The following IFT88 variants were observed in gnomAD, a reference collection of about 807,000 sequenced individuals.
IFT88 encodes intraflagellar transport protein 88 homolog.
A neutral mutation model predicts 119.5 loss-of-function variants in IFT88; 74 were observed. The ratio of observed to expected loss-of-function variants is 0.62; its 90% CI spans 0.51 to 0.75. IFT88 has a LOEUF of 0.75. Among genes scored for constraint, IFT88 ranks in the 30% least tolerant of loss-of-function variants. The pLI, the probability that IFT88 is intolerant of heterozygous loss-of-function variation, is 0.00. For missense variants in IFT88, 961 were observed against 977.7 expected, an observed-to-expected ratio of 0.98 and a Z score of 0.23; for synonymous variants, 279 against 316.7, an observed-to-expected ratio of 0.88 and a Z score of 1.26.
intron 22 of IFT88, among the ~76,000 whole-genome samples, chr13:20,657,069 G>A (rs2052941453): frequency 6.6e-6 from 1 of 152,144 alleles, no homozygotes; most frequent in South Asian, 2.1e-4. Flanking sequence ...TGTTGGCCAG[G>A]CTGTTCTCAA....
At chr13:20,631,991 A>T (rs1413094241) in intron 16 of IFT88, 1 of 138,032 alleles carries the variant, frequency 7.2e-6, no homozygotes, top group Non-Finnish European at 1.5e-5. Flanking sequence ...AAAAGTTCAA[A>T]AAATTAGCTG....
chr13:20,664,568 A>G (rs2054338409), intron 23 of IFT88, among the ~76,000 whole-genome samples: 1 of 152,190 alleles, frequency 6.6e-6, no homozygotes, highest in South Asian at 2.1e-4. Flanking sequence ...TGTTTTTTAA[A>G]AGATGTTTTG....
At chr13:20,661,608 A>C (rs1039841184) in intron 22 of IFT88, among the ~76,000 whole-genome samples, 15 of 151,958 alleles carry the variant, frequency 9.9e-5, no homozygotes, top group African/African-American at 3.6e-4. Context: ...AGTGGTGGGC[A>C]CCTGTGATCC....
intron 2 of IFT88, among the ~76,000 whole-genome samples, chr13:20,575,209 G>A (rs1033939570): frequency 5.3e-5 from 8 of 151,950 alleles, no homozygotes; most frequent in Non-Finnish European, 1.5e-5. Context: ...GAAAACATGC[G>A]ATGTTTGTCT....
At chr13:20,646,038 C>G (rs990600326) in intron 20 of IFT88, among the ~76,000 whole-genome samples, 3 of 152,194 alleles carry the variant, frequency 2.0e-5, no homozygotes, top group Admixed American at 6.5e-5. Flanking sequence ...GCCATTAGCT[C>G]ATGCAACACT....
In IFT88 at chr13:20,644,760, T is replaced by G. The variant is rs994802060; in HGVS notation, c.1834-83T>G. On this transcript the variant is annotated intron_variant, in intron 19 of 25. Coordinates refer to ENST00000351808, the MANE Select transcript of IFT88 (RefSeq NM_006531.5). ...TTAAGAAATTCCATATTGGATAAAT[T>G]TATTCAATAGGTAAAGTATTCAAGA... 4 of 643,448 alleles carry G rather than the reference T, an allele frequency of 6.2e-6. No individual in the cohort carries two copies. In the East Asian group the frequency reaches 1.0e-4, roughly 17 times the overall value. 39.9% of individuals were successfully genotyped at this position (643,448 alleles called of 1,614,324 possible).
intron 16 of IFT88, among the ~76,000 whole-genome samples, chr13:20,636,807 T>G (rs1052470466): frequency 6.6e-6 from 1 of 152,232 alleles, no homozygotes; most frequent in Non-Finnish European, 1.5e-5. Flanking sequence ...GTACCAATTT[T>G]TGTTTCAGAG....
rs1330543877 is a variant in IFT88 at position 20,601,793 on chromosome 13, A to G, written c.901A>G (p.Met301Val). The change falls in exon 12 of 26, where the codon ATG (methionine) becomes GTG (valine). Residue 301 changes from methionine to valine, a missense_variant. Met to Val is a conservative substitution (Grantham distance 21, BLOSUM62 1). Transcript: ENST00000351808. Reference sequence around the variant, plus strand: ...TAATTCATATGAGCACATAATGAGCATGGCACCAAATCTGAAGGCAGGCTA... The same window carrying G: ...TAATTCATATGAGCACATAATGAGCGTGGCACCAAATCTGAAGGCAGGCTA... ...AINSYEHIMS[M>V]APNLKAGYNL... 1 of 1,613,646 alleles carries G rather than the reference A, an allele frequency of 6.2e-7. No individual in the cohort carries two copies. Among genetic ancestry groups the G allele is most frequent in the Admixed American group, 1.7e-5 (1 of 60,030 alleles).
At chr13:20,607,269 T>G (rs2043648201) in intron 13 of IFT88, 1 of 420,192 alleles carries the variant, frequency 2.4e-6, no homozygotes, top group Non-Finnish European at 4.8e-6. Flanking sequence ...CCGCAGCACT[T>G]CTACCCGTAC....
At chr13:20,605,192 CTT>C (rs567351236) in intron 13 of IFT88, 87 bp downstream of exon 13, 28 of 514,254 alleles carry the variant, frequency 5.4e-5, no homozygotes, top group Middle Eastern at 5.4e-4. Flanking sequence ...ATATTTGAAA[CTT>C]AAAATAATTT....
rs115646562 is a variant in IFT88, at chr13:20,653,962, T to C, written c.2002+34T>C. ...TTTAGTTTTATTCATTTTATAGATA[T>C]TTTGCTTCTTTCCTTTTAGGTAATT... On this transcript the variant is annotated intron_variant, in intron 21 of 25. Transcript: ENST00000351808. 963 of 1,370,166 alleles carry C rather than the reference T, an allele frequency of 7.0e-4. 5 individuals are homozygous for C. The African/African-American group carries it at 0.012, about 16-fold the overall frequency. 84.9% of individuals were successfully genotyped at this position (1,370,166 alleles called of 1,614,324 possible).
chr13:20,617,853 G>A (rs1021543150), intron 14 of IFT88, among the ~76,000 whole-genome samples: 8 of 152,188 alleles, frequency 5.3e-5, no homozygotes, highest in African/African-American at 1.4e-4. Flanking sequence ...GAGCGCAGTA[G>A]TGTGATCTCG....
At chr13:20,688,997 C>T (rs1246848765) in intron 24 of IFT88, among the ~76,000 whole-genome samples, 8 of 152,166 alleles carry the variant, frequency 5.3e-5, no homozygotes, top group African/African-American at 1.2e-4. Context: ...TGCAGTGGCA[C>T]GATCTGGCTC....
chr13:20,648,561 A>G (rs1434816249), intron 20 of IFT88, among the ~76,000 whole-genome samples: 4 of 152,162 alleles, frequency 2.6e-5, no homozygotes, highest in Non-Finnish European at 5.9e-5. Context: ...TCGAAATAGT[A>G]CACTAAAAAA....
rs182272032 is a variant in IFT88 at position 20,615,612 on chromosome 13, C to T, written c.1113-181C>T. Among the ~76,000 whole-genome samples, 134 of 152,246 alleles carry T rather than the reference C, an allele frequency of 8.8e-4. 2 individuals are homozygous for T. The South Asian group carries it at 0.021, about 24-fold the overall frequency. On this transcript the variant is annotated intron_variant, in intron 13 of 25. Coordinates refer to ENST00000351808, the MANE Select transcript of IFT88 (RefSeq NM_006531.5). ...GCAGGCAATCATGGCTTGCTAATTA[C>T]GTTTCCTAGTCATGGTTTTAAACCT...
At position 20,654,650 on chromosome 13, in the gene IFT88, C is replaced by T. The variant is rs2052426766; in HGVS notation, c.2002+722C>T. 2.0e-5 allele frequency among the ~76,000 whole-genome samples: 3 copies of T among 152,118 alleles called. No homozygotes were observed. In the South Asian group the frequency reaches 6.2e-4, roughly 31 times the overall value. On this transcript the variant is annotated intron_variant, in intron 21 of 25. Coordinates refer to ENST00000351808, the MANE Select transcript of IFT88 (RefSeq NM_006531.5). ...TCTCACCCAGTTTCGGGGGAGGTTT[C>T]CTTCTTTATCTCTGTGAGCACCTTC...
At chr13:20,571,000 T>C (rs1022302885) in intron 1 of IFT88, among the ~76,000 whole-genome samples, 2 of 152,120 alleles carry the variant, frequency 1.3e-5, no homozygotes, top group African/African-American at 4.8e-5. Flanking sequence ...TTTTATTATT[T>C]ATTTATTTTT....
chr13:20,606,676 C>G (rs776677756), intron 13 of IFT88, among the ~76,000 whole-genome samples: 44 of 152,102 alleles, frequency 2.9e-4, no homozygotes, highest in Admixed American at 3.3e-4. Context: ...GTCAAAAGTT[C>G]GAGACCAGCC....
At chr13:20,596,920 A>T (rs1638657760) in intron 8 of IFT88, 95 bp from the exon 9 acceptor site, 1 of 646,304 alleles carries the variant, frequency 1.5e-6, no homozygotes, top group African/African-American at 1.9e-5. Context: ...TGAGGATAGA[A>T]AATGAATTCA....
Sources: gnomAD v4.1 joint callset for allele counts (sites outside exome capture counted in the v4.1 genomes callset) on GRCh38, gnomAD v4.1.1 for gene constraint, MANE v1.5 for transcripts, NCBI Gene and HGNC (gene_info 2026-07-23, HGNC 2026-07-21) for gene names.